UGGT2: variants seen among roughly 807,000 people sequenced by gnomAD.
UGGT2 encodes UDP-glucose glycoprotein glucosyltransferase 2, also known as UDP-glucose:glycoprotein glucosyltransferase 2.
Under a neutral mutation model 192.1 loss-of-function variants are expected in UGGT2, and 180 were observed. That is an observed-to-expected ratio of 0.94 (90% CI 0.83 to 1.06). UGGT2 has a LOEUF of 1.06. Among genes scored for constraint, UGGT2 ranks in the 50% least tolerant of loss-of-function variants. UGGT2 has a pLI of 0.00. For missense variants in UGGT2, 1,849 were observed against 1,795.7 expected (o/e 1.03, Z -0.54); for synonymous variants, 580 against 591.0 (o/e 0.98, Z 0.27).
chr13:95,820,494 T>A (rs1885397708), intron 38 of UGGT2, among the ~76,000 whole-genome samples: 1 of 152,148 alleles, frequency 6.6e-6, no homozygotes, highest in African/African-American at 2.4e-5. Context: ...ACAAAAGAGC[T>A]CTACAGTTTT....
At chr13:95,815,432 T>C (rs189407332) in intron 38 of UGGT2, among the ~76,000 whole-genome samples, 296 of 152,290 alleles carry the variant, frequency 1.9e-3, no homozygotes, top group Non-Finnish European at 3.6e-3. Context: ...CAAAAATTAA[T>C]TGTATTTCTA....
At chr13:95,994,375 TA>T (rs2051552157) in intron 7 of UGGT2, among the ~76,000 whole-genome samples, 1 of 151,858 alleles carries the variant, frequency 6.6e-6, no homozygotes, top group Non-Finnish European at 1.5e-5. Context: ...ACACTGAGTT[TA>T]AAAATAGTAA....
chr13:96,018,694 C>A, intron 4 of UGGT2, among the ~76,000 whole-genome samples: 1 of 148,560 alleles, frequency 6.7e-6, no homozygotes, highest in Non-Finnish European at 1.5e-5. Context: ...GAGAATATCA[C>A]ATAGTAAAGA....
intron 1 of UGGT2, among the ~76,000 whole-genome samples, chr13:96,044,522 T>C (rs536638273): frequency 3.3e-5 from 5 of 151,800 alleles, no homozygotes; most frequent in Non-Finnish European, 7.4e-5. Context: ...CTAAATGAAA[T>C]TGAAACAAAC....
intron 30 of UGGT2, among the ~76,000 whole-genome samples, chr13:95,864,275 C>T (rs1489518599): frequency 6.6e-6 from 1 of 152,066 alleles, no homozygotes; most frequent in Non-Finnish European, 1.5e-5. Context: ...TATATTAAAC[C>T]TTGACTTTAG....
At chr13:95,831,941 G>T (rs1319463882) in intron 38 of UGGT2, among the ~76,000 whole-genome samples, 3 of 150,272 alleles carry the variant, frequency 2.0e-5, no homozygotes, top group Non-Finnish European at 4.4e-5. Context: ...ATTTTCTTAT[G>T]AATTGAAATA....
In UGGT2 at chr13:95,990,102, T is replaced by G. The variant is rs370602775; in HGVS notation, c.831-29A>C. ...CATCAAAATATTAAGTGATGTTAAG[T>G]AGCATCACCTATCACAAACCATTAT... On this transcript the variant is annotated intron_variant, in intron 7 of 38. Transcript: ENST00000376747. 3.4e-6 allele frequency: 5 copies of G among 1,454,000 alleles called. No individual in the cohort carries two copies. The African/African-American group carries it at 7.0e-5, about 20-fold the overall frequency. The allele number at this position is 1,454,000 out of a possible 1,614,324, so 90.1% of individuals were successfully genotyped here.
At chr13:95,983,280 A>C (rs1223751363) in intron 10 of UGGT2, among the ~76,000 whole-genome samples, 1 of 152,182 alleles carries the variant, frequency 6.6e-6, no homozygotes, top group African/African-American at 2.4e-5. Context: ...GTCTGGTATG[A>C]TACTACTTAA....
intron 32 of UGGT2, 184 bp from the exon 33 acceptor site, chr13:95,859,859 G>A (rs2140076018): frequency 2.3e-6 from 1 of 439,370 alleles, no homozygotes; most frequent in East Asian, 3.7e-5. Context: ...TTAAATAATT[G>A]AAGGTATGAA....
rs188464538 is a variant in UGGT2 at position 96,003,821 on chromosome 13, C to T, written c.661-4514G>A. On this transcript the variant is annotated intron_variant, in intron 5 of 38. Coordinates refer to ENST00000376747, the MANE Select transcript of UGGT2 (RefSeq NM_020121.4). ...AGAAAAAGTGCCCCGACTGTCAACC[C>T]ACAGAATAAAGAGAAACAGTAAGTC... 3.1e-3 allele frequency among the ~76,000 whole-genome samples: 475 copies of T among 152,178 alleles called. 3 individuals carry two copies. The highest frequency in any genetic ancestry group is 0.011 in the African/African-American group (453 of 41,524).
intron 29 of UGGT2, among the ~76,000 whole-genome samples, chr13:95,875,330 T>C (rs905398474): frequency 5.3e-5 from 8 of 152,242 alleles, no homozygotes; most frequent in Non-Finnish European, 8.8e-5. Flanking sequence ...ATTCTGTATA[T>C]AAATTCTTTG....
chr13:96,051,875 T>C (rs530215157), intron 1 of UGGT2, among the ~76,000 whole-genome samples: 135 of 152,344 alleles, frequency 8.9e-4, no homozygotes, highest in African/African-American at 3.2e-3. Context: ...TCTACACTGC[T>C]GGTGGGAATG....
At chr13:95,904,542 G>A (rs1428110712) in intron 20 of UGGT2, among the ~76,000 whole-genome samples, 34 of 147,512 alleles carry the variant, frequency 2.3e-4, no homozygotes, top group Non-Finnish European at 4.0e-4. Context: ...GAGAATATGC[G>A]GTGTTTGGTT....
At chr13:95,980,979 C>G (rs1414824298) in intron 10 of UGGT2, among the ~76,000 whole-genome samples, 1 of 152,188 alleles carries the variant, frequency 6.6e-6, no homozygotes, top group Non-Finnish European at 1.5e-5. Flanking sequence ...GCCTGGGTGA[C>G]AGAGCAAGAC....
chr13:95,991,185 C>T (rs964593829), intron 7 of UGGT2: 5 of 214,304 alleles, frequency 2.3e-5, no homozygotes, highest in East Asian at 1.0e-4. Context: ...AATCAACATA[C>T]GTGTGCATGT....
At position 95,933,973 on chromosome 13, in the gene UGGT2, C is replaced by T. The variant is rs189541339; in HGVS notation, c.1977+2951G>A. 3.2e-4 allele frequency among the ~76,000 whole-genome samples: 49 copies of T among 152,254 alleles called. No individual in the cohort carries two copies. The East Asian group carries it at 7.4e-3, about 23-fold the overall frequency. The stretch of plus-strand genomic sequence containing the variant: ...TGCTGGGATTACAGGCGTGAGCCAC[C>T]GCGCCTGGTGATAGTTCTAAATTTT... On this transcript the variant is annotated intron_variant, in intron 17 of 38. Coordinates refer to ENST00000376747, the MANE Select transcript of UGGT2 (RefSeq NM_020121.4).
intron 20 of UGGT2, among the ~76,000 whole-genome samples, chr13:95,924,726 C>T (rs933697523): frequency 6.6e-6 from 1 of 152,010 alleles, no homozygotes; most frequent in African/African-American, 2.4e-5. Flanking sequence ...AAGGAAGCTG[C>T]CACGTTGTGA....
rs139961755 is a variant in UGGT2 at position 95,860,872 on chromosome 13, C to T, written c.3656G>A (p.Ser1219Asn). Residue 1219 changes from serine (S) to asparagine (N), a missense_variant, in exon 32 of 39, where the codon AGC (serine) becomes AAC (asparagine). Physicochemically the swap from Ser to Asn is conservative, Grantham distance 46. Coordinates refer to ENST00000376747, the MANE Select transcript of UGGT2 (RefSeq NM_020121.4). The stretch of plus-strand genomic sequence containing the variant: ...TTCCTTTTTGTTTTCTTTATGCAAG[C>T]TTACTGTGAAACTTGGAATAAAAAA... ...LWDSIKSFTV[S>N]LHKENKKEKD... The T allele has an allele frequency of 1.9e-6, 3 of 1,556,964 alleles. No homozygotes were observed. Among genetic ancestry groups the T allele is most frequent in the Non-Finnish European group, 2.6e-6 (3 of 1,152,986 alleles).
chr13:95,881,927 T>A (rs941794706), intron 27 of UGGT2, among the ~76,000 whole-genome samples: 2 of 151,686 alleles, frequency 1.3e-5, no homozygotes, highest in Non-Finnish European at 2.9e-5. Flanking sequence ...TTTTTTTTTT[T>A]AGACAGAATC....
Sources: gnomAD v4.1 joint callset for allele counts (sites outside exome capture counted in the v4.1 genomes callset) on GRCh38, gnomAD v4.1.1 for gene constraint, MANE v1.5 for transcripts, NCBI Gene and HGNC (gene_info 2026-07-23, HGNC 2026-07-21) for gene names.